DRC8: variants seen among roughly 807,000 people sequenced by gnomAD.
The protein encoded by DRC8 is dynein regulatory complex protein 8.
At chr1:245,006,867 G>A in the DRC8 span, among the ~76,000 whole-genome samples, 2 of 152,060 alleles carry the variant, frequency 1.3e-5, no homozygotes, top group Non-Finnish European at 2.9e-5. Context: ...CCAGGAGGTG[G>A]AGGTTGCAGT....
chr1:245,066,434 A>G, the DRC8 span, among the ~76,000 whole-genome samples: 1 of 152,348 alleles, frequency 6.6e-6, no homozygotes, highest in South Asian at 2.1e-4. Flanking sequence ...AATACATTGG[A>G]GTGAATTAAG....
At chr1:245,080,805 A>T in the DRC8 span, among the ~76,000 whole-genome samples, 19 of 152,116 alleles carry the variant, frequency 1.2e-4, no homozygotes, top group African/African-American at 4.6e-4. Flanking sequence ...ACCGTCACTG[A>T]TTTCCCATTG....
the DRC8 span, among the ~76,000 whole-genome samples, chr1:245,013,558 A>G: frequency 6.9e-6 from 1 of 144,800 alleles, no homozygotes; most frequent in Non-Finnish European, 1.5e-5. Flanking sequence ...TGATTATAAT[A>G]ATGAAAAATC....
At chr1:244,982,641 A>T in the DRC8 span, among the ~76,000 whole-genome samples, 2 of 152,228 alleles carry the variant, frequency 1.3e-5, no homozygotes, top group African/African-American at 4.8e-5. Flanking sequence ...GCTTGAAGGT[A>T]TGTCACTAGA....
chr1:245,040,828 T>G, the DRC8 span, among the ~76,000 whole-genome samples: 1 of 152,192 alleles, frequency 6.6e-6, no homozygotes, highest in Non-Finnish European at 1.5e-5. Context: ...GATTTCTTAT[T>G]AAGTGTGAGC....
chr1:244,975,214 G>C, the DRC8 span, among the ~76,000 whole-genome samples: 1 of 152,154 alleles, frequency 6.6e-6, no homozygotes, highest in Non-Finnish European at 1.5e-5. Flanking sequence ...ACAGGCGTGA[G>C]CCACCACGCC....
chr1:245,083,641 G>C, the DRC8 span: 2 of 1,609,912 alleles, frequency 1.2e-6, no homozygotes, highest in Non-Finnish European at 1.7e-6. Context: ...TCAGCTAAAC[G>C]TGGGTTTCTT....
the DRC8 span, among the ~76,000 whole-genome samples, chr1:245,010,333 A>C: frequency 6.6e-6 from 1 of 152,196 alleles, no homozygotes; most frequent in Non-Finnish European, 1.5e-5. Flanking sequence ...AATGAACACT[A>C]TGCTCTTTGG....
chr1:245,086,707 A>G, the DRC8 span: 1 of 532,974 alleles, frequency 1.9e-6, no homozygotes, highest in South Asian at 1.4e-5. Flanking sequence ...AACACGTTTC[A>G]TTCTCATGAC....
chr1:245,081,457 G>A, the DRC8 span, among the ~76,000 whole-genome samples: 3 of 151,226 alleles, frequency 2.0e-5, no homozygotes, highest in Admixed American at 1.3e-4. Flanking sequence ...CATCGCACCC[G>A]GCAATTTTTT....
At chr1:244,977,300 C>T in the DRC8 span, among the ~76,000 whole-genome samples, 1 of 152,206 alleles carries the variant, frequency 6.6e-6, no homozygotes, top group South Asian at 2.1e-4. Context: ...TATTTTACCA[C>T]ATTTTAGTAA....
At chr1:244,988,189 A>AT in the DRC8 span, among the ~76,000 whole-genome samples, 1 of 152,066 alleles carries the variant, frequency 6.6e-6, no homozygotes, top group African/African-American at 2.4e-5. Context: ...TTAATTTATT[A>AT]TTTTTTTAAA....
the DRC8 span, among the ~76,000 whole-genome samples, chr1:244,995,449 C>A: frequency 3.3e-5 from 5 of 152,116 alleles, no homozygotes; most frequent in East Asian, 9.6e-4. Context: ...CCTTGAACTC[C>A]TTGGGCTCAA....
At chr1:245,001,779 G>A in the DRC8 span, among the ~76,000 whole-genome samples, 4 of 152,220 alleles carry the variant, frequency 2.6e-5, no homozygotes, top group South Asian at 2.1e-4. Flanking sequence ...TCTTGACTGA[G>A]TTCGTCCTTT....
the DRC8 span, among the ~76,000 whole-genome samples, chr1:245,020,613 C>CTTTTTTTT: frequency 6.7e-5 from 4 of 59,704 alleles, no homozygotes; most frequent in African/African-American, 6.3e-5. Context: ...GTTTTTCTTT[C>CTTTTTTTT]TTTTTTTTTT....
the DRC8 span, among the ~76,000 whole-genome samples, chr1:245,099,309 G>A: frequency 6.6e-6 from 1 of 152,222 alleles, no homozygotes; most frequent in Non-Finnish European, 1.5e-5. Flanking sequence ...TCAACAGATT[G>A]TTGAAGGGAC....
At chr1:245,087,416 G>A in the DRC8 span, 1 of 1,529,882 alleles carries the variant, frequency 6.5e-7, no homozygotes, top group Non-Finnish European at 8.7e-7. Flanking sequence ...GCTTGTTCTT[G>A]TTAATTTCAC....
the DRC8 span, chr1:245,083,795 G>A: frequency 1.4e-6 from 2 of 1,451,068 alleles, no homozygotes; most frequent in Admixed American, 5.3e-5. Flanking sequence ...TCATTCTGGT[G>A]AAAGTTATTT....
chr1:245,019,390 T>C, the DRC8 span, among the ~76,000 whole-genome samples: 1 of 152,138 alleles, frequency 6.6e-6, no homozygotes, highest in Non-Finnish European at 1.5e-5. Context: ...TCCACTCTTT[T>C]TAAAAAATTC....
Sources: gnomAD v4.1 joint callset for allele counts (sites outside exome capture counted in the v4.1 genomes callset) on GRCh38, gnomAD v4.1.1 for gene constraint, MANE v1.5 for transcripts, NCBI Gene and HGNC (gene_info 2026-07-23, HGNC 2026-07-21) for gene names.